Variants in SBF2 observed in about 807,000 individuals in gnomAD.
SBF2 encodes the protein SET binding factor 2.
Under a neutral mutation model 225.2 loss-of-function variants are expected in SBF2, and 112 were observed. The observed-to-expected ratio is 0.50, with a 90% confidence interval of 0.43 to 0.58. The LOEUF (loss-of-function observed/expected upper bound fraction) is 0.58, where lower values mean the gene tolerates loss of function less well. Ranked by LOEUF, SBF2 falls within the 20% of genes least tolerant of loss-of-function variation. The pLI is 0.00. For synonymous variants in SBF2, 763 were observed against 773.3 expected (o/e 0.99, Z 0.22); for missense variants, 1,996 against 2,206.2 (o/e 0.90, Z 1.91).
intron 1 of SBF2, among the ~76,000 whole-genome samples, chr11:10,268,723 C>A: frequency 6.6e-6 from 1 of 152,296 alleles, no homozygotes; most frequent in South Asian, 2.1e-4. Context: ...AGTTTCTCTA[C>A]GGATAGCATA....
intron 2 of SBF2, among the ~76,000 whole-genome samples, chr11:10,073,663 G>A (rs1359678216): frequency 6.6e-6 from 1 of 152,200 alleles, no homozygotes; most frequent in Non-Finnish European, 1.5e-5. Flanking sequence ...GTTGCAGTGA[G>A]CCAAGATTGT....
At chr11:10,152,575 A>C (rs1387392756) in intron 2 of SBF2, among the ~76,000 whole-genome samples, 1 of 152,010 alleles carries the variant, frequency 6.6e-6, no homozygotes, top group Non-Finnish European at 1.5e-5. Flanking sequence ...AAGAAAAGAA[A>C]AGAAAGTACC....
intron 2 of SBF2, among the ~76,000 whole-genome samples, chr11:10,162,108 T>C (rs376706635): frequency 3.0e-4 from 46 of 151,794 alleles, no homozygotes; most frequent in South Asian, 8.3e-4. Context: ...TAGGAAGGAA[T>C]AGAAAGCTGG....
Position 9,974,960 on chromosome 11 carries a change from C to CAAAAAAAAAAAAAAAAAAAAAAAAAA in SBF2, c.1396-6441_1396-6416dup, listed in dbSNP as rs1166081188. Among the ~76,000 whole-genome samples the CAAAAAAAAAAAAAAAAAAAAAAAAAA allele has an allele frequency of 6.4e-4, 15 of 23,270 alleles. 5 individuals carry two copies. The highest frequency in any genetic ancestry group is 1.2e-3 in the Non-Finnish European group (13 of 11,168). 15.3% of individuals were successfully genotyped at this position (23,270 alleles called of 152,430 possible). A position where few individuals can be genotyped will look rare whatever the true frequency, so the allele number is the denominator to read the frequency against. On this transcript the variant is annotated intron_variant, in intron 13 of 39. Transcript: ENST00000256190. ...GGGCAACAACAGCGAAACTTTGACT[C>CAAAAAAAAAAAAAAAAAAAAAAAAAA]AAAAAAAAAAAAAAAAAAAAAAAAA...
At chr11:10,254,380 C>T (rs1465397790) in intron 1 of SBF2, among the ~76,000 whole-genome samples, 2 of 126,492 alleles carry the variant, frequency 1.6e-5, no homozygotes, top group Admixed American at 8.2e-5. Flanking sequence ...GACCCTGTCT[C>T]AAAAGAAAAA....
intron 16 of SBF2, among the ~76,000 whole-genome samples, chr11:9,909,449 A>ATCATGAGG (rs1251266724): frequency 6.6e-6 from 1 of 151,996 alleles, no homozygotes; most frequent in African/African-American, 2.4e-5. Context: ...AGGCGGGTGG[A>ATCATGAGG]TCATGAGGTC....
chr11:9,915,409 T>C (rs1472934947), intron 16 of SBF2, among the ~76,000 whole-genome samples: 2 of 143,502 alleles, frequency 1.4e-5, no homozygotes, highest in African/African-American at 5.2e-5. Flanking sequence ...ATCGCGCCAC[T>C]GTACTCCAGT....
intron 2 of SBF2, among the ~76,000 whole-genome samples, chr11:10,043,384 CTTCAA>C (rs576883870): frequency 6.6e-4 from 101 of 152,204 alleles, no homozygotes; most frequent in Middle Eastern, 3.4e-3. Context: ...ATCTGAGAGT[CTTCAA>C]TTCATTACAA....
chr11:9,901,044 T>A (rs1050154058), intron 16 of SBF2, among the ~76,000 whole-genome samples: 2 of 152,252 alleles, frequency 1.3e-5, no homozygotes, highest in African/African-American at 4.8e-5. Context: ...AAGATCATTT[T>A]AAAATTTACT....
chr11:9,910,857 C>A (rs992219561), intron 16 of SBF2, among the ~76,000 whole-genome samples: 1 of 135,550 alleles, frequency 7.4e-6, no homozygotes, highest in Non-Finnish European at 1.5e-5. Context: ...GACCATTTGG[C>A]CAACATGGTG....
intron 1 of SBF2, among the ~76,000 whole-genome samples, chr11:10,259,010 T>C (rs1961170350): frequency 1.3e-5 from 2 of 152,190 alleles, no homozygotes; most frequent in Non-Finnish European, 2.9e-5. Flanking sequence ...CATTTGGAGC[T>C]AGTTGTAGCT....
intron 2 of SBF2, among the ~76,000 whole-genome samples, chr11:10,179,608 A>T (rs1032446171): frequency 7.2e-5 from 11 of 152,130 alleles, no homozygotes; most frequent in Non-Finnish European, 1.5e-4. Context: ...TCCAATGCTG[A>T]AAGTGGGGTA....
intron 33 of SBF2, among the ~76,000 whole-genome samples, chr11:9,791,632 C>A (rs1394196906): frequency 1.3e-5 from 2 of 152,184 alleles, no homozygotes. Flanking sequence ...AAATCAGAAT[C>A]TCTGGGGATG....
At chr11:10,146,657 G>C (rs1954901353) in intron 2 of SBF2, among the ~76,000 whole-genome samples, 1 of 152,052 alleles carries the variant, frequency 6.6e-6, no homozygotes, top group African/African-American at 2.4e-5. Context: ...CTAAATATAG[G>C]AACTGGCAAA....
intron 13 of SBF2, among the ~76,000 whole-genome samples, chr11:9,980,289 T>TAAA (rs1170874978): frequency 3.8e-5 from 4 of 105,854 alleles, no homozygotes; most frequent in Non-Finnish European, 5.4e-5. Flanking sequence ...CTCTTGTAAT[T>TAAA]AAAAAAAAAA....
intron 28 of SBF2, among the ~76,000 whole-genome samples, chr11:9,818,535 G>C (rs1230389011): frequency 2.0e-5 from 3 of 152,074 alleles, no homozygotes; most frequent in African/African-American, 7.2e-5. Context: ...CCTCAAGTGG[G>C]TTTTCTTCTT....
chr11:9,956,232 G>A (rs1317106355), intron 16 of SBF2, among the ~76,000 whole-genome samples: 1 of 152,030 alleles, frequency 6.6e-6, no homozygotes, highest in Non-Finnish European at 1.5e-5. Flanking sequence ...TAACATTTTT[G>A]TACATGTCTC....
At chr11:9,945,687 T>C (rs1056974767) in intron 16 of SBF2, among the ~76,000 whole-genome samples, 3 of 152,044 alleles carry the variant, frequency 2.0e-5, no homozygotes, top group African/African-American at 7.3e-5. Context: ...ATTAACAAAC[T>C]ATGCATCTGA....
chr11:10,181,234 G>C (rs1020414883), intron 2 of SBF2, among the ~76,000 whole-genome samples: 1 of 152,036 alleles, frequency 6.6e-6, no homozygotes, highest in Non-Finnish European at 1.5e-5. Flanking sequence ...AGCTTTAGCA[G>C]AGAATCAAAA....
Sources: allele counts gnomAD v4.1 joint callset (sites outside exome capture counted in the v4.1 genomes callset), GRCh38; gene constraint gnomAD v4.1.1; transcripts MANE v1.5; gene names NCBI Gene and HGNC (gene_info 2026-07-23, HGNC 2026-07-21).